DHRS4: variants seen among roughly 807,000 people sequenced by gnomAD.
The protein encoded by DHRS4 is dehydrogenase/reductase SDR family member 4.
DHRS4 carries 20 observed loss-of-function variants against 28.4 expected under a neutral mutation model. The observed-to-expected ratio is 0.71, with a 90% CI of 0.50 to 1.02. The LOEUF is 1.02. Among genes scored for constraint, DHRS4 ranks in the 50% least tolerant of loss-of-function variants. The probability of loss-of-function intolerance (pLI) is 0.00; values close to 1 mark genes in which losing one functional copy is unlikely to be tolerated. For synonymous variants in DHRS4, 144 were observed against 146.4 expected (o/e 0.98, Z 0.12); for missense variants, 378 against 367.2 (o/e 1.03, Z -0.24).
rs1356676251 is a variant in DHRS4, at chr14:23,953,984, G to A, written c.128+68G>A. ...AAACAGGCACTGGCCTCTCATCCTC[G>A]GCCTCCGGTGCCCCTGTCCTCAGAC... is the stretch of plus-strand genomic sequence containing the variant. On this transcript the variant is annotated intron_variant, in intron 1 of 7. Coordinates refer to ENST00000313250, the MANE Select transcript of DHRS4 (RefSeq NM_021004.4). 3.2e-6 allele frequency: 5 copies of A among 1,539,168 alleles called. No homozygotes were observed. The East Asian group carries it at 9.8e-5, about 30-fold the overall frequency.
intron 5 of DHRS4, 133 bp from the exon 6 acceptor site, chr14:23,966,150 G>A: frequency 6.3e-7 from 1 of 1,581,916 alleles, no homozygotes; most frequent in South Asian, 1.2e-5. Context: ...GGGAGGTTTA[G>A]CCACAAGACA....
Position 23,959,982 on chromosome 14 carries a change from C to T in DHRS4, c.387C>T (p.Val129=). 2 of 1,609,262 alleles carry T rather than the reference C, an allele frequency of 1.2e-6. No homozygotes were observed. Among genetic ancestry groups the T allele is most frequent in the Non-Finnish European group, 1.7e-6 (2 of 1,179,714 alleles). Residue 129 remains valine (V), a synonymous_variant, in exon 3 of 8, where the codon GTC becomes GTT. Coordinates refer to ENST00000313250, the MANE Select transcript of DHRS4 (RefSeq NM_021004.4). ...VNPFFGSIMD[V]TEEVWDKTLD... ...CTTTCTTTGGAAGCATAATGGATGT[C>T]ACTGAGGAGGTGTGGGACAAGGTGA...
In DHRS4 at chr14:23,969,051, G is replaced by C; in HGVS notation, c.*180G>C. 7.6e-7 allele frequency: 1 copy of C among 1,319,798 alleles called. No individual in the cohort carries two copies. Among genetic ancestry groups the C allele is most frequent in the South Asian group, 1.6e-5 (1 of 63,582 alleles). 81.8% of individuals were successfully genotyped at this position (1,319,798 alleles called of 1,614,324 possible). ...AGGTGGCGTCTTACTCGGGATTTCT[G>C]CTGTTGTTGTGGCCTTGGGTAAAGG... On this transcript the variant is annotated 3_prime_UTR_variant, in exon 8 of 8. Transcript: ENST00000313250.
chr14:23,959,995 T>C lies in DHRS4; in HGVS notation c.400T>C (p.Trp134Arg), dbSNP rs1225346171. The change falls in exon 3 of 8, where the codon TGG (tryptophan) becomes CGG (arginine). Residue 134 changes from tryptophan to arginine, a missense_variant. Coordinates refer to ENST00000313250, the MANE Select transcript of DHRS4 (RefSeq NM_021004.4). ...CATAATGGATGTCACTGAGGAGGTG[T>C]GGGACAAGGTGAGAGGGGATTAAAG... The part of the protein sequence containing the change: ...GSIMDVTEEV[W>R]DKTLDINVKA... 6.3e-7 allele frequency: 1 copy of C among 1,579,408 alleles called. No homozygotes were observed. Among genetic ancestry groups the C allele is most frequent in the Non-Finnish European group, 8.5e-7 (1 of 1,173,102 alleles).
At position 23,955,055 on chromosome 14, in the gene DHRS4, G is replaced by A. The variant is rs377038259; in HGVS notation, c.149G>A (p.Arg50Gln). ...CACAGGATCGGCTTCGCCATCGCCCGGCGTTTGGCCCAGGACGGGGCCCAT... is the reference window on the plus strand; with the variant it reads ...CACAGGATCGGCTTCGCCATCGCCCAGCGTTTGGCCCAGGACGGGGCCCAT... ...STDGIGFAIA[R>Q]RLAQDGAHVV... is the part of the protein sequence containing the mutation. Residue 50 changes from arginine to glutamine, a missense_variant, in exon 2 of 8, where the codon CGG becomes CAG. Transcript: ENST00000313250. 6.2e-6 allele frequency: 10 copies of A among 1,614,048 alleles called. No homozygotes were observed. The Admixed American group carries it at 8.3e-5, about 13-fold the overall frequency.
intron 2 of DHRS4, among the ~76,000 whole-genome samples, chr14:23,957,075 C>T (rs1352290829): frequency 2.0e-5 from 3 of 152,006 alleles, no homozygotes; most frequent in East Asian, 1.9e-4. Context: ...GAGGAGACAC[C>T]GAATCCAGGG....
Position 23,966,405 on chromosome 14 carries a change from C to G in DHRS4, c.654C>G (p.Ser218Arg), listed in dbSNP as rs1360843124. 1.9e-6 allele frequency: 3 copies of G among 1,613,844 alleles called. No homozygotes were observed. The South Asian group carries it at 3.3e-5, about 18-fold the overall frequency. Residue 218 changes from serine (S) to arginine (R), a missense_variant, in exon 6 of 8, where the codon AGC becomes AGG. Transcript: ENST00000313250. Reference sequence around the variant, plus strand: ...TAGCACCTGGACTTATCAAGACTAGCTTCAGCAGGATGGTGAGGAAGGGGA... The same window carrying G: ...TAGCACCTGGACTTATCAAGACTAGGTTCAGCAGGATGGTGAGGAAGGGGA... Reference protein sequence around the residue: ...NCLAPGLIKTSFSRMLWMDKE... With the variant: ...NCLAPGLIKTRFSRMLWMDKE...
intron 3 of DHRS4, among the ~76,000 whole-genome samples, 164 bp downstream of exon 3, chr14:23,960,167 G>T (rs1374891675): frequency 1.3e-5 from 2 of 151,972 alleles, no homozygotes; most frequent in East Asian, 1.9e-4. Flanking sequence ...GCGGGTGGGG[G>T]TGGCTCTATC....
At position 23,967,206 on chromosome 14, in the gene DHRS4, T is replaced by C. The variant is rs1203803667; in HGVS notation, c.667-5T>C. On this transcript the variant is annotated splice_region_variant and splice_polypyrimidine_tract_variant and intron_variant, in intron 6 of 7. Coordinates refer to ENST00000313250, the MANE Select transcript of DHRS4 (RefSeq NM_021004.4). ...AACATAAAGAGATTTCCCTTCTTCC[T>C]GCAGCTCTGGATGGACAAGGAAAAA... is the stretch of plus-strand genomic sequence containing the variant. The C allele has an allele frequency of 6.2e-7, 1 of 1,609,998 alleles. No individual in the cohort carries two copies. The highest frequency in any genetic ancestry group is 1.3e-5 in the African/African-American group (1 of 74,336).
chr14:23,960,892 C>T (rs1442250830), intron 3 of DHRS4, among the ~76,000 whole-genome samples: 1 of 151,844 alleles, frequency 6.6e-6, no homozygotes, highest in African/African-American at 2.4e-5. Flanking sequence ...TCTGATGAGG[C>T]CTCAGGAAGC....
In DHRS4 at chr14:23,953,910, C is replaced by T; in HGVS notation, c.122C>T (p.Thr41Ile). ...ANKVALVTAS[T>I]DGIGFAIARR... is the part of the protein sequence containing the mutation. ...AAGGTGGCCCTGGTAACGGCCTCCA[C>T]CGACGGGTGAGTGCTCCGGCCGGAG... The change falls in exon 1 of 8, where the codon ACC becomes ATC. Residue 41 changes from threonine to isoleucine, a missense_variant. Transcript: ENST00000313250. 2.5e-6 allele frequency: 4 copies of T among 1,590,938 alleles called. No homozygotes were observed. Among genetic ancestry groups the T allele is most frequent in the Non-Finnish European group, 3.4e-6 (4 of 1,169,270 alleles).
rs556675978 is a variant in DHRS4, at chr14:23,959,925, C to T, written c.330C>T (p.Ile110=). ...AGGCTGTGAAGCTTCATGGAGGTAT[C>T]GATATCCTAGTCTCCAATGCTGCTG... ...VATAVKLHGG[I]DILVSNAAVN... Residue 110 remains isoleucine (I), a synonymous_variant, in exon 3 of 8, where the codon ATC becomes ATT. Transcript: ENST00000313250. The T allele has an allele frequency of 2.5e-5, 40 of 1,611,992 alleles. No homozygotes were observed. In the South Asian group the frequency reaches 3.0e-4, roughly 12 times the overall value.
intron 3 of DHRS4, among the ~76,000 whole-genome samples, chr14:23,960,400 C>T (rs28477540): frequency 0.29 from 44,628 of 151,428 alleles, 7,022 homozygotes; most frequent in East Asian, 0.45. Flanking sequence ...TTATTTTTTA[C>T]GAGTTGGGAA....
Position 23,968,889 on chromosome 14 carries a change from A to G in DHRS4, c.*18A>G. 6.2e-7 allele frequency: 1 copy of G among 1,605,922 alleles called. No homozygotes were observed. On this transcript the variant is annotated 3_prime_UTR_variant, in exon 8 of 8. Coordinates refer to ENST00000313250, the MANE Select transcript of DHRS4 (RefSeq NM_021004.4). Reference sequence around the variant, plus strand: ...GCCTCTGAGGACCGGGAGACAGCCCACAGGCCAGAGTTGGGCTCTAGCTCC... The same window carrying G: ...GCCTCTGAGGACCGGGAGACAGCCCGCAGGCCAGAGTTGGGCTCTAGCTCC...
In DHRS4 at chr14:23,960,681, AT is replaced by A. The variant is rs552086526; in HGVS notation, c.408+680del. 2.6e-3 allele frequency among the ~76,000 whole-genome samples: 391 copies of A among 152,118 alleles called. 8 individuals are homozygous for A. Among genetic ancestry groups the A allele is most frequent in the African/African-American group, 8.7e-3 (359 of 41,422 alleles). Reference sequence around the variant, plus strand: ...TTAATTAAAATATTTGTCTTTGTTTATTAAGGTTAATATTCCCACATGATTG... The same window carrying A: ...TTAATTAAAATATTTGTCTTTGTTTATAAGGTTAATATTCCCACATGATTG... On this transcript the variant is annotated intron_variant, in intron 3 of 7. Transcript: ENST00000313250.
chr14:23,955,461 T>G (rs943416625), intron 2 of DHRS4, among the ~76,000 whole-genome samples: 59 of 152,310 alleles, frequency 3.9e-4, no homozygotes, highest in Admixed American at 2.3e-3. Flanking sequence ...ATTTTCAATC[T>G]AATTGAACAG....
At position 23,968,766 on chromosome 14, in the gene DHRS4, G is replaced by C; in HGVS notation, c.732G>C (p.Glu244Asp). Reference protein sequence around the residue: ...KETLRIRRLGEPEDCAGIVSF... With the variant: ...KETLRIRRLGDPEDCAGIVSF... The stretch of plus-strand genomic sequence containing the variant: ...TTCCCTTATTCCCCAGGTTAGGCGA[G>C]CCAGAGGATTGTGCTGGCATCGTGT... The change falls in exon 8 of 8, where the codon GAG becomes GAC. Residue 244 changes from glutamate (E) to aspartate (D), a missense_variant. Coordinates refer to ENST00000313250, the MANE Select transcript of DHRS4 (RefSeq NM_021004.4). 1 of 1,605,366 alleles carries C rather than the reference G, an allele frequency of 6.2e-7. No homozygotes were observed. The highest frequency in any genetic ancestry group is 1.7e-4 in the Middle Eastern group (1 of 6,048).
chr14:23,962,761 T>C (rs2033468913), intron 3 of DHRS4, among the ~76,000 whole-genome samples: 2 of 151,232 alleles, frequency 1.3e-5, no homozygotes, highest in South Asian at 2.1e-4. Flanking sequence ...TCTAAAATGG[T>C]GCATCCTTTA....
intron 2 of DHRS4, among the ~76,000 whole-genome samples, chr14:23,958,958 CTG>C (rs1566471345): frequency 6.6e-6 from 1 of 152,186 alleles, no homozygotes; most frequent in African/African-American, 2.4e-5. Flanking sequence ...CTTAAGGACA[CTG>C]GAATAGATGA....
Sources: gnomAD v4.1 joint callset for allele counts (sites outside exome capture counted in the v4.1 genomes callset) on GRCh38, gnomAD v4.1.1 for gene constraint, MANE v1.5 for transcripts, NCBI Gene and HGNC (gene_info 2026-07-23, HGNC 2026-07-21) for gene names.